Variants in TMEM131L observed in about 807,000 individuals in gnomAD.
The protein encoded by TMEM131L is transmembrane 131 like.
In TMEM131L, 54 loss-of-function variants were observed where a neutral mutation model predicts 192.2. That is an observed-to-expected ratio of 0.28 (90% CI 0.23 to 0.35). The LOEUF (loss-of-function observed/expected upper bound fraction) is 0.35, where lower values mean the gene tolerates loss of function less well. TMEM131L is among the 10% of genes least tolerant of loss of function. TMEM131L has a pLI of 1.00. For synonymous variants in TMEM131L, 701 were observed against 704.9 expected (o/e 0.99, Z 0.09); for missense variants, 1,888 against 1,972.9 (o/e 0.96, Z 0.82).
chr4:153,626,362 GATTTT>G (rs1733843593), intron 30 of TMEM131L, 137 bp downstream of exon 30: 1 of 610,604 alleles, frequency 1.6e-6, no homozygotes, highest in Non-Finnish European at 2.9e-6. Flanking sequence ...AGTAAAATCT[GATTTT>G]ATTAATTCAG....
In TMEM131L at chr4:153,587,890, A is replaced by C. The variant is rs1578808281; in HGVS notation, c.1552+79A>C. On this transcript the variant is annotated intron_variant, in intron 15 of 34. Coordinates refer to ENST00000409959, the MANE Select transcript of TMEM131L (RefSeq NM_001131007.2). ...ATAGTGAGGAAAATTAGCATTTGTC[A>C]ATGGAATAATTAGTTCTGTAAAGGC... The C allele has an allele frequency of 7.2e-6, 7 of 972,948 alleles. No individual in the cohort carries two copies. In the East Asian group the frequency reaches 1.7e-4, roughly 23 times the overall value. The allele number at this position is 972,948 out of a possible 1,614,324, so 60.3% of individuals were successfully genotyped here. A position where few individuals can be genotyped will look rare whatever the true frequency, so the allele number is the denominator to read the frequency against.
intron 29 of TMEM131L, among the ~76,000 whole-genome samples, chr4:153,625,918 A>AAAC (rs1214572701): frequency 6.6e-6 from 1 of 152,188 alleles, no homozygotes; most frequent in Non-Finnish European, 1.5e-5. Context: ...AAAAAAAACA[A>AAAC]AACAACAACA....
At chr4:153,630,094 C>T (rs1037001932) in intron 31 of TMEM131L, among the ~76,000 whole-genome samples, 2 of 152,190 alleles carry the variant, frequency 1.3e-5, no homozygotes, top group African/African-American at 2.4e-5. Context: ...TGTTGCTTCT[C>T]ATAAGAAGCA....
intron 3 of TMEM131L, among the ~76,000 whole-genome samples, chr4:153,527,312 G>A (rs1251371766): frequency 3.3e-5 from 5 of 151,084 alleles, no homozygotes; most frequent in East Asian, 1.9e-4. Flanking sequence ...TCATTCTGTT[G>A]CCCAGGCTGT....
intron 3 of TMEM131L, among the ~76,000 whole-genome samples, chr4:153,483,348 GA>G (rs1305183045): frequency 6.6e-6 from 1 of 152,120 alleles, no homozygotes; most frequent in African/African-American, 2.4e-5. Flanking sequence ...TAACTTAATG[GA>G]ATCATTCAGT....
chr4:153,550,559 T>C lies in TMEM131L; in HGVS notation c.308+418T>C, dbSNP rs557971436. 3.1e-3 allele frequency among the ~76,000 whole-genome samples: 467 copies of C among 152,224 alleles called. 2 individuals carry two copies. Among genetic ancestry groups the C allele is most frequent in the Non-Finnish European group, 4.8e-3 (325 of 67,994 alleles). On this transcript the variant is annotated intron_variant, in intron 4 of 34. Transcript: ENST00000409959. ...GCCAGGATGGTCTTGATCTCCTGAC[T>C]TCGTGATCCGCCCGCCTCGGCCTCC...
chr4:153,491,542 TA>T (rs1267302860), intron 3 of TMEM131L, among the ~76,000 whole-genome samples: 1 of 152,230 alleles, frequency 6.6e-6, no homozygotes, highest in East Asian at 1.9e-4. Flanking sequence ...TAAATTTGTT[TA>T]GGGACAATTT....
chr4:153,475,077 G>A (rs1003397467), intron 3 of TMEM131L, among the ~76,000 whole-genome samples: 4 of 152,090 alleles, frequency 2.6e-5, no homozygotes, highest in East Asian at 1.9e-4. Flanking sequence ...TTTTCTCCAC[G>A]TTACAAAAGA....
At chr4:153,547,494 G>A (rs2150381836) in intron 3 of TMEM131L, among the ~76,000 whole-genome samples, 1 of 152,308 alleles carries the variant, frequency 6.6e-6, no homozygotes, top group African/African-American at 2.4e-5. Flanking sequence ...AGTAATATGA[G>A]CGAATATTTA....
chr4:153,524,892 G>T (rs1735364890), intron 3 of TMEM131L, among the ~76,000 whole-genome samples: 1 of 152,204 alleles, frequency 6.6e-6, no homozygotes, highest in Admixed American at 6.5e-5. Context: ...TGGCCAGGAT[G>T]TAACCCTTCA....
In TMEM131L at chr4:153,604,012, G is replaced by T; in HGVS notation, c.3000G>T (p.Thr1000=). The change falls in exon 25 of 35, where the codon ACG becomes ACT. Residue 1000 remains threonine, a synonymous_variant. Coordinates refer to ENST00000409959, the MANE Select transcript of TMEM131L (RefSeq NM_001131007.2). ...TSTAAASSTS[T]TTEEKQTSPL... ...CAGCTGCGGCCAGCAGCACCAGCAC[G>T]ACTACTGAGGAAAAACAGACTTCAC... 6.2e-7 allele frequency: 1 copy of T among 1,614,062 alleles called. No homozygotes were observed. Among genetic ancestry groups the T allele is most frequent in the South Asian group, 1.1e-5 (1 of 91,062 alleles).
At chr4:153,630,806 C>T (rs1229796083) in intron 31 of TMEM131L, among the ~76,000 whole-genome samples, 1 of 152,186 alleles carries the variant, frequency 6.6e-6, no homozygotes, top group East Asian at 1.9e-4. Context: ...ACAACAATGG[C>T]AGCCTGGGTG....
chr4:153,539,210 C>T (rs986831735), intron 3 of TMEM131L, among the ~76,000 whole-genome samples: 2 of 152,200 alleles, frequency 1.3e-5, no homozygotes, highest in Non-Finnish European at 2.9e-5. Flanking sequence ...AACAAACACC[C>T]AGCAGTCCTC....
chr4:153,598,918 C>T (rs928251478), intron 21 of TMEM131L, among the ~76,000 whole-genome samples, 186 bp downstream of exon 21: 1 of 151,904 alleles, frequency 6.6e-6, no homozygotes, highest in Non-Finnish European at 1.5e-5. Context: ...GGCTGGTACC[C>T]CTGGATTAGA....
At chr4:153,519,858 C>T (rs1397842278) in intron 3 of TMEM131L, among the ~76,000 whole-genome samples, 2 of 152,164 alleles carry the variant, frequency 1.3e-5, no homozygotes, top group Non-Finnish European at 2.9e-5. Context: ...GGATTAGATA[C>T]TGTGGATGAA....
chr4:153,540,213 T>C (rs1736672839), intron 3 of TMEM131L, among the ~76,000 whole-genome samples: 1 of 152,174 alleles, frequency 6.6e-6, no homozygotes, highest in Non-Finnish European at 1.5e-5. Context: ...TAAAGTTACA[T>C]AGGATTGTTC....
At chr4:153,570,643 G>A (rs185667133) in intron 7 of TMEM131L, among the ~76,000 whole-genome samples, 29 of 152,198 alleles carry the variant, frequency 1.9e-4, no homozygotes, top group Admixed American at 3.3e-4. Flanking sequence ...GGCATCTCCC[G>A]GCACTTTTGT....
intron 3 of TMEM131L, among the ~76,000 whole-genome samples, chr4:153,543,414 T>C (rs1736941626): frequency 6.6e-6 from 1 of 152,348 alleles, no homozygotes; most frequent in South Asian, 2.1e-4. Context: ...ATTTTATAAC[T>C]ATGTAGTTGT....
At chr4:153,546,080 G>A (rs1737152241) in intron 3 of TMEM131L, among the ~76,000 whole-genome samples, 1 of 152,014 alleles carries the variant, frequency 6.6e-6, no homozygotes, top group Admixed American at 6.6e-5. Flanking sequence ...TAATAGAGAT[G>A]AGGTCTCACC....
Sources: gnomAD v4.1 joint callset for allele counts (sites outside exome capture counted in the v4.1 genomes callset) on GRCh38, gnomAD v4.1.1 for gene constraint, MANE v1.5 for transcripts, NCBI Gene and HGNC (gene_info 2026-07-23, HGNC 2026-07-21) for gene names.